Variants in CMSS1 observed in about 807,000 individuals in gnomAD.
CMSS1 encodes cms1 ribosomal small subunit homolog, also known as protein CMSS1.
In CMSS1, 33 loss-of-function variants were observed where a neutral mutation model predicts 43.5. That is an observed-to-expected ratio of 0.76 (90% CI 0.57 to 1.01). The LOEUF (loss-of-function observed/expected upper bound fraction) is 1.01, where lower values mean the gene tolerates loss of function less well. Ranked by LOEUF, CMSS1 falls within the 50% of genes least tolerant of loss-of-function variation. CMSS1 has a pLI of 0.00. For missense variants in CMSS1, 313 were observed against 326.4 expected, an observed-to-expected ratio of 0.96 and a Z score of 0.32; for synonymous variants, 115 against 117.2, an observed-to-expected ratio of 0.98 and a Z score of 0.12.
At chr3:99,992,009 TGTGTATATATATATATAC>T (rs1225123413) in intron 1 of CMSS1, among the ~76,000 whole-genome samples, 1 of 150,486 alleles carries the variant, frequency 6.6e-6, no homozygotes, top group African/African-American at 2.4e-5. Flanking sequence ...TATATGTGTG[TGTGTATATATATATATAC>T]GTGTATATAT....
chr3:99,900,675 G>A (rs1706406548), intron 1 of CMSS1, among the ~76,000 whole-genome samples: 1 of 152,180 alleles, frequency 6.6e-6, no homozygotes, highest in Non-Finnish European at 1.5e-5. Flanking sequence ...TGATCATTGT[G>A]TAATCTTCCC....
intron 1 of CMSS1, among the ~76,000 whole-genome samples, chr3:100,132,859 G>A (rs1412592694): frequency 6.8e-6 from 1 of 146,418 alleles, no homozygotes; most frequent in African/African-American, 2.5e-5. Flanking sequence ...AAAATATTTA[G>A]TCTCATCAAA....
chr3:99,983,829 A>G (rs750526025), intron 1 of CMSS1, among the ~76,000 whole-genome samples: 1 of 152,026 alleles, frequency 6.6e-6, no homozygotes, highest in African/African-American at 2.4e-5. Flanking sequence ...GCAAAGGAGA[A>G]TGGACCATCT....
chr3:99,944,348 C>T (rs1159906017), intron 1 of CMSS1, among the ~76,000 whole-genome samples: 1 of 152,166 alleles, frequency 6.6e-6, no homozygotes, highest in Non-Finnish European at 1.5e-5. Flanking sequence ...CTTCTTGGTC[C>T]AAGCTGGCTA....
chr3:99,935,614 T>G (rs1707639403), intron 1 of CMSS1, among the ~76,000 whole-genome samples: 1 of 152,214 alleles, frequency 6.6e-6, no homozygotes. Flanking sequence ...ACCTCTACCC[T>G]GTTCCTCACC....
At chr3:99,955,169 G>A (rs1038191682) in intron 1 of CMSS1, among the ~76,000 whole-genome samples, 1 of 152,118 alleles carries the variant, frequency 6.6e-6, no homozygotes, top group African/African-American at 2.4e-5. Context: ...CTAGCAATGG[G>A]GTGCTGTTTT....
intron 1 of CMSS1, among the ~76,000 whole-genome samples, chr3:100,117,771 A>G (rs1177400827): frequency 6.8e-6 from 1 of 146,328 alleles, no homozygotes; most frequent in African/African-American, 2.5e-5. Context: ...TACCATCACA[A>G]TAGCCAAAAG....
intron 2 of CMSS1, among the ~76,000 whole-genome samples, chr3:100,150,943 TCTC>T (rs1349895363): frequency 1.3e-5 from 2 of 152,180 alleles, no homozygotes; most frequent in Admixed American, 1.3e-4. Context: ...TGACCCATCT[TCTC>T]CTGCTCAGAG....
chr3:100,026,913 C>A (rs1169819093), intron 1 of CMSS1, among the ~76,000 whole-genome samples: 1 of 152,112 alleles, frequency 6.6e-6, no homozygotes, highest in Non-Finnish European at 1.5e-5. Context: ...CCAAGATCCT[C>A]CCAATAACCC....
At chr3:100,027,057 A>G (rs1313585739) in intron 1 of CMSS1, among the ~76,000 whole-genome samples, 2 of 151,958 alleles carry the variant, frequency 1.3e-5, no homozygotes, top group Admixed American at 6.6e-5. Flanking sequence ...CGGCCCATTC[A>G]TCCCCTGCAT....
At chr3:99,983,787 G>A (rs1205523817) in intron 1 of CMSS1, among the ~76,000 whole-genome samples, 1 of 151,536 alleles carries the variant, frequency 6.6e-6, no homozygotes, top group Non-Finnish European at 1.5e-5. Context: ...TCTACCTGTA[G>A]CTAGCAAGAA....
intron 1 of CMSS1, among the ~76,000 whole-genome samples, chr3:99,900,885 T>G (rs1342457320): frequency 6.6e-6 from 1 of 152,172 alleles, no homozygotes; most frequent in Non-Finnish European, 1.5e-5. Flanking sequence ...AGCACTGATC[T>G]AAAGGAAAAT....
intron 1 of CMSS1, among the ~76,000 whole-genome samples, chr3:99,863,863 C>T (rs1042571835): frequency 2.6e-5 from 4 of 152,300 alleles, no homozygotes; most frequent in South Asian, 2.1e-4. Context: ...CTTATGCTCT[C>T]CCCTTTTTAC....
At chr3:99,996,390 A>T (rs1709681441) in intron 1 of CMSS1, among the ~76,000 whole-genome samples, 1 of 152,178 alleles carries the variant, frequency 6.6e-6, no homozygotes, top group Non-Finnish European at 1.5e-5. Context: ...AAAGCCATTC[A>T]GCAAGTCTCT....
intron 1 of CMSS1, among the ~76,000 whole-genome samples, chr3:100,132,472 C>G (rs2066716547): frequency 6.6e-6 from 1 of 151,894 alleles, no homozygotes; most frequent in South Asian, 2.1e-4. Context: ...AGTTGATAAG[C>G]AAAACATTAA....
chr3:99,983,394 ATATATATAT>A (rs1709194105), intron 1 of CMSS1, among the ~76,000 whole-genome samples: 11 of 84,860 alleles, frequency 1.3e-4, no homozygotes, highest in African/African-American at 4.3e-4. Flanking sequence ...AAATAAATAT[ATATATATAT>A]ATATATATAT....
intron 1 of CMSS1, among the ~76,000 whole-genome samples, chr3:99,921,104 C>A (rs1017495587): frequency 1.3e-5 from 2 of 152,118 alleles, no homozygotes; most frequent in African/African-American, 4.8e-5. Flanking sequence ...AAACATTGTT[C>A]TTTGACCCTT....
intron 2 of CMSS1, among the ~76,000 whole-genome samples, chr3:100,157,278 G>A (rs1227453631): frequency 6.6e-6 from 1 of 151,718 alleles, no homozygotes; most frequent in African/African-American, 2.4e-5. Flanking sequence ...ACAGCATCTT[G>A]TTCTTGTTTC....
Position 99,938,090 on chromosome 3 carries a change from CGT to C in CMSS1, c.64+120049_64+120050del, listed in dbSNP as rs1491074221. 3.5e-3 allele frequency among the ~76,000 whole-genome samples: 521 copies of C among 150,420 alleles called. 2 individuals carry two copies. The highest frequency in any genetic ancestry group is 6.2e-3 in the Non-Finnish European group (421 of 67,442). On this transcript the variant is annotated intron_variant, in intron 1 of 9. Coordinates refer to ENST00000421999, the MANE Select transcript of CMSS1 (RefSeq NM_032359.4). ...GTGTGTGTGTGCGCGCGCGCGCGCG[CGT>C]GCATGCACACTCGTGCTGGGTGGGG...
Sources: gnomAD v4.1 joint callset for allele counts (sites outside exome capture counted in the v4.1 genomes callset) on GRCh38, gnomAD v4.1.1 for gene constraint, MANE v1.5 for transcripts, NCBI Gene and HGNC (gene_info 2026-07-23, HGNC 2026-07-21) for gene names.